Variants in UBE2E2 observed in about 807,000 individuals in gnomAD.
UBE2E2 encodes the protein ubiquitin conjugating enzyme E2 E2.
Under a neutral mutation model 24.7 loss-of-function variants are expected in UBE2E2, and 6 were observed. That is an observed-to-expected ratio of 0.24 (90% CI 0.13 to 0.48). UBE2E2 has a LOEUF of 0.48. Ranked by LOEUF, UBE2E2 falls within the 20% of genes least tolerant of loss-of-function variation. UBE2E2 has a pLI of 0.99. For missense variants in UBE2E2, 169 were observed against 245.0 expected (o/e 0.69, Z 2.07); for synonymous variants, 104 against 83.6 (o/e 1.24, Z -1.33).
chr3:23,513,075 G>A (rs1694645810), intron 4 of UBE2E2, among the ~76,000 whole-genome samples: 1 of 152,040 alleles, frequency 6.6e-6, no homozygotes, highest in Non-Finnish European at 1.5e-5. Context: ...CATTACAGTA[G>A]TTTGTTCAAC....
At chr3:23,571,440 C>T (rs1559425833) in intron 5 of UBE2E2, among the ~76,000 whole-genome samples, 1 of 151,400 alleles carries the variant, frequency 6.6e-6, no homozygotes, top group Non-Finnish European at 1.5e-5. Flanking sequence ...CAGGCGTGTG[C>T]CACCACGCCT....
intron 3 of UBE2E2, among the ~76,000 whole-genome samples, chr3:23,494,916 C>T (rs554234874): frequency 5.9e-5 from 9 of 151,734 alleles, no homozygotes; most frequent in Non-Finnish European, 1.2e-4. Context: ...GGATTACAGG[C>T]GCCCACCACC....
In UBE2E2 at chr3:23,518,555, A is replaced by G. The variant is rs1575680581; in HGVS notation, c.361-13999A>G. 2.6e-5 allele frequency among the ~76,000 whole-genome samples: 4 copies of G among 152,234 alleles called. No homozygotes were observed. The South Asian group carries it at 8.3e-4, about 31-fold the overall frequency. ...AGGAAGGAAACTTAGATCCATCCTT[A>G]TAAGGATGCCTTGACCTGAAGAGTC... On this transcript the variant is annotated intron_variant, in intron 4 of 5. Transcript: ENST00000396703.
intron 5 of UBE2E2, among the ~76,000 whole-genome samples, chr3:23,567,915 T>A (rs1696115092): frequency 6.6e-6 from 1 of 152,188 alleles, no homozygotes; most frequent in South Asian, 2.1e-4. Flanking sequence ...GAGCAATAAG[T>A]TTCCTCCTTT....
chr3:23,336,662 T>C (rs1034561660), intron 3 of UBE2E2, among the ~76,000 whole-genome samples: 40 of 152,184 alleles, frequency 2.6e-4, no homozygotes, highest in African/African-American at 9.2e-4. Context: ...CTCAAAGCAG[T>C]TGGATTTAAA....
chr3:23,500,795 T>C (rs1170571525), intron 4 of UBE2E2, among the ~76,000 whole-genome samples: 1 of 152,182 alleles, frequency 6.6e-6, no homozygotes, highest in Non-Finnish European at 1.5e-5. Flanking sequence ...ATAATTACCC[T>C]CAATGAGGAA....
intron 3 of UBE2E2, among the ~76,000 whole-genome samples, chr3:23,389,311 C>T (rs1389378745): frequency 6.6e-6 from 1 of 152,174 alleles, no homozygotes. Context: ...TCCTTATTGT[C>T]ATGGATCTCT....
chr3:23,381,992 T>C (rs576024744), intron 3 of UBE2E2, among the ~76,000 whole-genome samples: 1 of 152,218 alleles, frequency 6.6e-6, no homozygotes, highest in South Asian at 2.1e-4. Flanking sequence ...TCTTCTCCAT[T>C]CCCCCGCTAC....
At chr3:23,385,067 A>G (rs1386207882) in intron 3 of UBE2E2, among the ~76,000 whole-genome samples, 1 of 152,156 alleles carries the variant, frequency 6.6e-6, no homozygotes, top group African/African-American at 2.4e-5. Context: ...AGTAGCTGGG[A>G]CCACGGGCGC....
chr3:23,458,835 A>C (rs965873169), intron 3 of UBE2E2, among the ~76,000 whole-genome samples: 1 of 152,168 alleles, frequency 6.6e-6, no homozygotes, highest in Non-Finnish European at 1.5e-5. Context: ...GTGCTGATGG[A>C]CTTTCTTGAC....
At chr3:23,440,530 C>T (rs1698281978) in intron 3 of UBE2E2, among the ~76,000 whole-genome samples, 1 of 152,198 alleles carries the variant, frequency 6.6e-6, no homozygotes, top group Non-Finnish European at 1.5e-5. Context: ...GAACAGAAAT[C>T]TTTCAGCAAC....
chr3:23,472,499 G>T (rs1699050682), intron 3 of UBE2E2, among the ~76,000 whole-genome samples: 1 of 152,008 alleles, frequency 6.6e-6, no homozygotes, highest in African/African-American at 2.4e-5. Context: ...TTGTCAGCTA[G>T]GTACAAAGGA....
At chr3:23,396,303 T>TATATATA (rs1553608066) in intron 3 of UBE2E2, among the ~76,000 whole-genome samples, 2 of 128,042 alleles carry the variant, frequency 1.6e-5, no homozygotes, top group East Asian at 4.7e-4. Flanking sequence ...CATTTATTTT[T>TATATATA]TATATATATA....
intron 2 of UBE2E2, among the ~76,000 whole-genome samples, chr3:23,209,485 A>G (rs1332362380): frequency 6.6e-6 from 1 of 152,210 alleles, no homozygotes; most frequent in Admixed American, 6.5e-5. Flanking sequence ...AATCTGTTTG[A>G]TATTGTTACA....
At chr3:23,338,418 A>G (rs1372693094) in intron 3 of UBE2E2, among the ~76,000 whole-genome samples, 3 of 152,180 alleles carry the variant, frequency 2.0e-5, no homozygotes, top group African/African-American at 7.2e-5. Context: ...ATGGAGATAA[A>G]GAGAAGGTTG....
At position 23,214,956 on chromosome 3, in the gene UBE2E2, T is replaced by C. The variant is rs146593123; in HGVS notation, c.177-2306T>C. Among the ~76,000 whole-genome samples the C allele has an allele frequency of 5.0e-3, 764 of 152,282 alleles. 5 individuals carry two copies. The highest frequency in any genetic ancestry group is 0.018 in the African/African-American group (729 of 41,558). ...TTTCTCATTGAATTGTTAATTGAAG[T>C]AATATCTTTTGATTCCCTGCTCTGA... is the stretch of plus-strand genomic sequence containing the variant. On this transcript the variant is annotated intron_variant, in intron 2 of 5. Transcript: ENST00000396703.
intron 3 of UBE2E2, among the ~76,000 whole-genome samples, chr3:23,494,268 A>T (rs1312317463): frequency 6.6e-6 from 1 of 152,242 alleles, no homozygotes; most frequent in Non-Finnish European, 1.5e-5. Context: ...AAATCTCCTG[A>T]CAGCCAGACT....
At chr3:23,549,322 C>T (rs1377373719) in intron 5 of UBE2E2, among the ~76,000 whole-genome samples, 1 of 152,212 alleles carries the variant, frequency 6.6e-6, no homozygotes, top group Admixed American at 6.5e-5. Context: ...CCTGATTTCT[C>T]TAAGTCATAG....
At chr3:23,425,289 A>G (rs992410755) in intron 3 of UBE2E2, among the ~76,000 whole-genome samples, 1 of 152,182 alleles carries the variant, frequency 6.6e-6, no homozygotes, top group African/African-American at 2.4e-5. Context: ...GATGACATTA[A>G]ATAGATCCTA....
Sources: allele counts gnomAD v4.1 joint callset (sites outside exome capture counted in the v4.1 genomes callset), GRCh38; gene constraint gnomAD v4.1.1; transcripts MANE v1.5; gene names NCBI Gene and HGNC (gene_info 2026-07-23, HGNC 2026-07-21).